BCLAF1: variants seen among roughly 807,000 people sequenced by gnomAD.
BCLAF1 encodes the protein BCL2 associated transcription factor 1.
A neutral mutation model predicts 99.5 loss-of-function variants in BCLAF1; 10 were observed. The ratio of observed to expected loss-of-function variants is 0.10; its 90% CI spans 0.06 to 0.17. The LOEUF (loss-of-function observed/expected upper bound fraction) is 0.17. BCLAF1 is among the 10% of genes least tolerant of loss of function. The probability of loss-of-function intolerance (pLI) is 1.00; values close to 1 mark genes in which losing one functional copy is unlikely to be tolerated. For synonymous variants in BCLAF1, 255 were observed against 370.9 expected (o/e 0.69, Z 3.59); for missense variants, 636 against 1,105.8 (o/e 0.58, Z 6.02).
intron 3 of BCLAF1, among the ~76,000 whole-genome samples, chr6:136,279,029 A>T (rs2128485064): frequency 6.6e-6 from 1 of 151,210 alleles, no homozygotes; most frequent in Non-Finnish European, 1.5e-5. Context: ...ACACACACGC[A>T]TGTGTTATAT....
rs765093482 is a variant in BCLAF1, at chr6:136,278,231, G to A, written c.650C>T (p.Ser217Leu). ...ATSGDIWPGLSAYDNSPRSPH... is the reference protein window; with the variant it reads ...ATSGDIWPGLLAYDNSPRSPH... ...TGATCTAGGACTATTATCATAAGCT[G>A]AAAGGCCAGGCCAAATATCACCGGA... Residue 217 changes from serine to leucine, a missense_variant, in exon 4 of 13, where the codon TCA becomes TTA. This residue lies in a region of BCLAF1 where 65 missense variants were observed against 90.9 expected (regional missense o/e 0.71). Coordinates refer to ENST00000531224, the MANE Select transcript of BCLAF1 (RefSeq NM_014739.3). 6.2e-7 allele frequency: 1 copy of A among 1,614,182 alleles called. No individual in the cohort carries two copies. The highest frequency in any genetic ancestry group is 2.2e-5 in the East Asian group (1 of 44,888).
intron 4 of BCLAF1, among the ~76,000 whole-genome samples, chr6:136,276,918 G>C (rs2128481635): frequency 6.6e-6 from 1 of 152,152 alleles, no homozygotes; most frequent in South Asian, 2.1e-4. Context: ...ATATAAACAA[G>C]AGTTCACACA....
At chr6:136,276,598 G>A in intron 4 of BCLAF1, 90 bp from the exon 5 acceptor site, 1 of 1,412,342 alleles carries the variant, frequency 7.1e-7, no homozygotes, top group Non-Finnish European at 9.3e-7. Context: ...AATCCCTCAG[G>A]ACCAGCAAGA....
rs1446372347 is a variant in BCLAF1 at position 136,257,757 on chromosome 6, C to T, written c.*3353G>A. 6.6e-6 allele frequency: 1 copy of T among 152,124 alleles called. No homozygotes were observed. The highest frequency in any genetic ancestry group is 2.4e-5 in the African/African-American group (1 of 41,442). The allele number at this position is 152,124 out of a possible 1,614,324, so 9.4% of individuals were successfully genotyped here. ...TATTCCTCCATTTGCCTTTCCTCTTCAACTCTGTAAATTGAGAAAGGCCTC... is the reference window on the plus strand; with the variant it reads ...TATTCCTCCATTTGCCTTTCCTCTTTAACTCTGTAAATTGAGAAAGGCCTC... On this transcript the variant is annotated 3_prime_UTR_variant, in exon 13 of 13. Coordinates refer to ENST00000531224, the MANE Select transcript of BCLAF1 (RefSeq NM_014739.3).
chr6:136,269,557 C>T lies in BCLAF1; in HGVS notation c.2099G>A (p.Arg700His), dbSNP rs377180185. 1.4e-5 allele frequency: 22 copies of T among 1,611,826 alleles called. No individual in the cohort carries two copies. The East Asian group carries it at 3.1e-4, about 23-fold the overall frequency. ...CCGTTCTTTACTTCTTTCTTTTCTA[C>T]GGCGATCAATGTCATGCCGAAGGTC... ...SADLRHDIDR[R>H]RKERSKERGD... is the part of the protein sequence containing the mutation. Residue 700 changes from arginine to histidine, a missense_variant, in exon 9 of 13, where the codon CGT becomes CAT. Around this residue, in one of 9 missense-constraint regions of BCLAF1, gnomAD observed 180 missense variants for 270.0 expected, o/e 0.67. Transcript: ENST00000531224.
chr6:136,281,540 T>TC, intron 2 of BCLAF1, among the ~76,000 whole-genome samples: 1 of 152,204 alleles, frequency 6.6e-6, no homozygotes. Flanking sequence ...CGAATTTACT[T>TC]CAAGATATTT....
In BCLAF1 at chr6:136,256,871, G is replaced by C. The variant is rs896526153; in HGVS notation, c.*4239C>G. 4 of 152,146 alleles carry C rather than the reference G, an allele frequency of 2.6e-5. No individual in the cohort carries two copies. Among genetic ancestry groups the C allele is most frequent in the African/African-American group, 9.7e-5 (4 of 41,424 alleles). 9.4% of individuals were successfully genotyped at this position (152,146 alleles called of 1,614,324 possible). On this transcript the variant is annotated 3_prime_UTR_variant, in exon 13 of 13. Coordinates refer to ENST00000531224, the MANE Select transcript of BCLAF1 (RefSeq NM_014739.3). ...AATAATCCACTATTCTGGAGGGTGA[G>C]TGGTATTTTTTATTTATTGTTGCTC...
chr6:136,284,271 G>A (rs1369056708), intron 1 of BCLAF1, among the ~76,000 whole-genome samples: 1 of 151,580 alleles, frequency 6.6e-6, no homozygotes, highest in Non-Finnish European at 1.5e-5. Flanking sequence ...CAGGCTGTTA[G>A]ACCAGTGGAT....
chr6:136,280,276 A>C (rs1468177971), intron 2 of BCLAF1, among the ~76,000 whole-genome samples: 1 of 152,230 alleles, frequency 6.6e-6, no homozygotes. Flanking sequence ...CAACTGAAAT[A>C]AAATAAAGTG....
intron 4 of BCLAF1, 115 bp from the exon 5 acceptor site, chr6:136,276,623 A>T: frequency 7.9e-7 from 1 of 1,258,040 alleles, no homozygotes; most frequent in South Asian, 2.0e-5. Context: ...AAATAACCCT[A>T]TTGAAAAGTG....
In BCLAF1 at chr6:136,278,704, G is replaced by C; in HGVS notation, c.177C>G (p.Arg59=). 3 of 1,608,996 alleles carry C rather than the reference G, an allele frequency of 1.9e-6. No homozygotes were observed. The highest frequency in any genetic ancestry group is 1.7e-6 in the Non-Finnish European group (2 of 1,179,274). The change falls in exon 4 of 13, where the codon CGC becomes CGG. Residue 59 remains arginine (R), a synonymous_variant. Transcript: ENST00000531224. The part of the protein sequence containing the change: ...RDRMYSRDYR[R]DYRNNRGMRR... ...TCATTCCTCTATTATTTCTGTAATC[G>C]CGACGATAATCTCTAGAATACATAC...
At position 136,273,086 on chromosome 6, in the gene BCLAF1, G is replaced by T. The variant is rs1267976312; in HGVS notation, c.1954C>A (p.His652Asn). 3 of 1,609,678 alleles carry T rather than the reference G, an allele frequency of 1.9e-6. No individual in the cohort carries two copies. Among genetic ancestry groups the T allele is most frequent in the Non-Finnish European group, 2.5e-6 (3 of 1,176,908 alleles). The change falls in exon 7 of 13, where the codon CAC (histidine) becomes AAC (asparagine). Residue 652 changes from histidine to asparagine, a missense_variant. His to Asn is a moderately conservative substitution (Grantham distance 68). Coordinates refer to ENST00000531224, the MANE Select transcript of BCLAF1 (RefSeq NM_014739.3). ...HSTRQKSPEI[H>N]RRIDISPSTL... ...CCAGTTCAGCAGGATACATACCTGT[G>T]TATTTCAGGGCTCTTTTGCCGAGTA...
At chr6:136,269,862 T>C (rs1782267807) in intron 8 of BCLAF1, 1 of 308,450 alleles carries the variant, frequency 3.2e-6, no homozygotes, top group African/African-American at 2.2e-5. Flanking sequence ...CTTGAGAATT[T>C]TGCAGGTTTT....
intron 6 of BCLAF1, chr6:136,273,952 T>A: frequency 2.5e-6 from 3 of 1,194,494 alleles, no homozygotes; most frequent in Non-Finnish European, 3.2e-6. Context: ...ATACATCTGT[T>A]GTCAACTTAC....
rs1380936543 is a variant in BCLAF1, at chr6:136,258,304, G to A, written c.*2806C>T. 1 of 151,992 alleles carries A rather than the reference G, an allele frequency of 6.6e-6. No individual in the cohort carries two copies. The highest frequency in any genetic ancestry group is 1.5e-5 in the Non-Finnish European group (1 of 67,906). 9.4% of individuals were successfully genotyped at this position (151,992 alleles called of 1,614,324 possible). ...AAACGAGGACTAAACTGGACATCCA[G>A]AATTCCTTTATTTCAAAATAATTTT... On this transcript the variant is annotated 3_prime_UTR_variant, in exon 13 of 13. Coordinates refer to ENST00000531224, the MANE Select transcript of BCLAF1 (RefSeq NM_014739.3).
At chr6:136,287,384 C>T (rs1785292318) in intron 1 of BCLAF1, among the ~76,000 whole-genome samples, 1 of 152,088 alleles carries the variant, frequency 6.6e-6, no homozygotes, top group Admixed American at 6.5e-5. Context: ...GTATTATCTT[C>T]GTGTTAGTAT....
chr6:136,276,949 C>T (rs911723477), intron 4 of BCLAF1, among the ~76,000 whole-genome samples: 1 of 152,146 alleles, frequency 6.6e-6, no homozygotes, highest in Non-Finnish European at 1.5e-5. Context: ...ATTACCACTG[C>T]AGTAATTTAA....
chr6:136,265,638 T>C (rs1781611237), intron 11 of BCLAF1, among the ~76,000 whole-genome samples: 1 of 152,176 alleles, frequency 6.6e-6, no homozygotes, highest in Non-Finnish European at 1.5e-5. Flanking sequence ...GAGTTATCTA[T>C]ACCATGCTGT....
intron 4 of BCLAF1, among the ~76,000 whole-genome samples, 178 bp from the exon 5 acceptor site, chr6:136,276,686 T>C (rs897464638): frequency 5.3e-5 from 8 of 152,236 alleles, no homozygotes; most frequent in Non-Finnish European, 7.3e-5. Context: ...ATAGAACTTA[T>C]GTACTGACTT....
Sources: allele counts gnomAD v4.1 joint callset (sites outside exome capture counted in the v4.1 genomes callset), GRCh38; gene constraint gnomAD v4.1.1; regional missense constraint gnomAD v4.1.1; transcripts MANE v1.5; gene names NCBI Gene and HGNC (gene_info 2026-07-23, HGNC 2026-07-21).